CPA5: variants seen among roughly 807,000 people sequenced by gnomAD.
The protein encoded by CPA5 is carboxypeptidase A5, also known as testicular tissue protein Li 32.
CPA5 carries 38 observed loss-of-function variants against 52.2 expected under a neutral mutation model. That is an observed-to-expected ratio of 0.73 (90% confidence interval 0.56 to 0.95). The LOEUF (loss-of-function observed/expected upper bound fraction) is 0.95. Among genes scored for constraint, CPA5 ranks in the 40% least tolerant of loss-of-function variants. CPA5 has a pLI of 0.00. For synonymous variants in CPA5, 198 were observed against 213.7 expected (o/e 0.93, Z 0.64); for missense variants, 519 against 566.7 (o/e 0.92, Z 0.86).
In CPA5 at chr7:130,353,296, C is replaced by T. The variant is rs554335320; in HGVS notation, c.333+3187C>T. The stretch of plus-strand genomic sequence containing the variant: ...CAAAGCTTCCCTCGACAATGTCACA[C>T]GCAACTTCCAGATCCAACCCGATGG... On this transcript the variant is annotated intron_variant, in intron 5 of 12. Transcript: ENST00000474905. Among the ~76,000 whole-genome samples, 7 of 152,234 alleles carry T rather than the reference C, an allele frequency of 4.6e-5. No homozygotes were observed. The East Asian group carries it at 7.7e-4, about 17-fold the overall frequency.
At chr7:130,347,221 C>T (rs1427549232) in intron 3 of CPA5, among the ~76,000 whole-genome samples, 1 of 152,208 alleles carries the variant, frequency 6.6e-6, no homozygotes, top group Non-Finnish European at 1.5e-5. Flanking sequence ...CCACAGGCCT[C>T]TTGGATACGC....
chr7:130,345,486 C>G (rs1794680240), intron 1 of CPA5: 1 of 152,240 alleles, frequency 6.6e-6, no homozygotes, highest in Non-Finnish European at 1.5e-5. Flanking sequence ...GCTTTGTGTG[C>G]TGGCCCCTGC....
intron 3 of CPA5, among the ~76,000 whole-genome samples, chr7:130,347,295 G>C (rs992650349): frequency 7.9e-5 from 12 of 152,324 alleles, no homozygotes; most frequent in African/African-American, 2.4e-4. Flanking sequence ...GGTGGGGTGA[G>C]GTTGTCTGAT....
At chr7:130,362,788 C>T in intron 8 of CPA5, 96 bp from the exon 9 acceptor site, 1 of 762,416 alleles carries the variant, frequency 1.3e-6, no homozygotes, top group Non-Finnish European at 2.2e-6. Context: ...GGGTTTCATG[C>T]CATCCCTTCC....
downstream of CPA5, among the ~76,000 whole-genome samples, chr7:130,371,447 C>T (rs1270137113): frequency 6.6e-6 from 1 of 152,202 alleles, no homozygotes; most frequent in Non-Finnish European, 1.5e-5. Flanking sequence ...CTGAACCCAA[C>T]TCACGGCCAA....
rs78134171 is a variant in CPA5 at position 130,350,530 on chromosome 7, A to C, written c.333+421A>C. The stretch of plus-strand genomic sequence containing the variant: ...TCTCAGCCATCCAATGCCTGGGGGA[A>C]CGGCTTTACTTCAGAGGATTGGGAA... On this transcript the variant is annotated intron_variant, in intron 5 of 12. Transcript: ENST00000474905. Among the ~76,000 whole-genome samples the C allele has an allele frequency of 3.0e-3, 463 of 152,250 alleles. 1 individual carries two copies. The highest frequency in any genetic ancestry group is 0.01 in the African/African-American group (429 of 41,540).
downstream of CPA5, among the ~76,000 whole-genome samples, chr7:130,372,675 C>T (rs572093475): frequency 9.9e-5 from 15 of 152,168 alleles, 1 homozygote; most frequent in South Asian, 2.1e-3. Context: ...CTGTGTCATG[C>T]GGCCATGCCT....
At chr7:130,365,655 A>G (rs1796038292) in intron 10 of CPA5, among the ~76,000 whole-genome samples, 1 of 152,232 alleles carries the variant, frequency 6.6e-6, no homozygotes, top group Admixed American at 6.5e-5. Flanking sequence ...GCCAATTCCC[A>G]TTTGGCCAGG....
intron 5 of CPA5, among the ~76,000 whole-genome samples, chr7:130,355,994 C>T (rs1220908385): frequency 2.0e-5 from 3 of 152,228 alleles, no homozygotes; most frequent in African/African-American, 7.2e-5. Context: ...TTCAGATCAG[C>T]AGCCACCCCC....
At chr7:130,362,056 C>G (rs6954767) in intron 7 of CPA5, among the ~76,000 whole-genome samples, 120 of 152,290 alleles carry the variant, frequency 7.9e-4, no homozygotes, top group African/African-American at 2.7e-3. Context: ...TCAACATCAC[C>G]TGGGAGCTTA....
chr7:130,373,164 G>T, downstream of CPA5, among the ~76,000 whole-genome samples: 1 of 152,156 alleles, frequency 6.6e-6, no homozygotes, highest in Non-Finnish European at 1.5e-5. Flanking sequence ...ACTTAGACAC[G>T]CAAGTTGTAG....
Position 130,367,457 on chromosome 7 carries a change from C to A in CPA5, c.924C>A (p.Asn308Lys), listed in dbSNP as rs1554408812. ...QSEPEVAAIV[N>K]FITAHGNFKA... ...AGCCGGAGGTGGCTGCCATAGTGAA[C>A]TTCATCACAGCCCATGGCAACTTCA... Residue 308 changes from asparagine to lysine, a missense_variant, in exon 11 of 13, where the codon AAC (asparagine) becomes AAA (lysine). Asn to Lys is a moderately conservative substitution (Grantham distance 94). Coordinates refer to ENST00000474905, the MANE Select transcript of CPA5 (RefSeq NM_080385.5). 2 of 1,614,172 alleles carry A rather than the reference C, an allele frequency of 1.2e-6. No homozygotes were observed.
chr7:130,362,354 C>T, intron 7 of CPA5, 84 bp from the exon 8 acceptor site: 1 of 920,186 alleles, frequency 1.1e-6, no homozygotes, highest in South Asian at 1.5e-5. Flanking sequence ...ACTGAGGATG[C>T]CTCAGGGACC....
chr7:130,367,247 C>T, intron 10 of CPA5, 125 bp from the exon 11 acceptor site: 1 of 771,952 alleles, frequency 1.3e-6, no homozygotes, highest in East Asian at 2.7e-5. Context: ...TCAAAGTAGT[C>T]ACATGACCTC....
chr7:130,367,782 G>A (rs1796180983), intron 11 of CPA5, 124 bp from the exon 12 acceptor site: 2 of 908,292 alleles, frequency 2.2e-6, no homozygotes, highest in Non-Finnish European at 1.8e-6. Flanking sequence ...TCTCACAAGG[G>A]CCATCTCCAC....
chr7:130,362,417 G>A (rs781854664), intron 7 of CPA5, 21 bp from the exon 8 acceptor site: 1 of 1,583,830 alleles, frequency 6.3e-7, no homozygotes, highest in South Asian at 1.1e-5. Context: ...CCTCGGTTTG[G>A]GGCCCGATTC....
intron 4 of CPA5, 140 bp downstream of exon 4, chr7:130,347,987 C>A: frequency 3.2e-6 from 2 of 633,548 alleles, no homozygotes; most frequent in Middle Eastern, 4.2e-4. Flanking sequence ...GGAAATCACA[C>A]GTGGCTCCAC....
At position 130,368,108 on chromosome 7, in the gene CPA5, G is replaced by A; in HGVS notation, c.1123+118G>A. The A allele has an allele frequency of 1.4e-5, 13 of 923,056 alleles. No individual in the cohort carries two copies. The South Asian group carries it at 1.8e-4, about 12-fold the overall frequency. The allele number at this position is 923,056 out of a possible 1,614,324, so 57.2% of individuals were successfully genotyped here. A position where few individuals can be genotyped will look rare whatever the true frequency, so the allele number is the denominator to read the frequency against. On this transcript the variant is annotated intron_variant, in intron 12 of 12. Transcript: ENST00000474905. ...AGCTGCCTCCCACACTGGATAGAAG[G>A]GTGAACAGTGGTACCCAGGGAGCTG...
intron 10 of CPA5, among the ~76,000 whole-genome samples, chr7:130,364,408 G>T (rs1319695184): frequency 1.3e-5 from 2 of 152,148 alleles, no homozygotes; most frequent in Non-Finnish European, 2.9e-5. Flanking sequence ...GGTCAGGCTG[G>T]TCTCAAACTC....
Sources: gnomAD v4.1 joint callset for allele counts (sites outside exome capture counted in the v4.1 genomes callset) on GRCh38, gnomAD v4.1.1 for gene constraint, MANE v1.5 for transcripts, NCBI Gene and HGNC (gene_info 2026-07-23, HGNC 2026-07-21) for gene names.